Variants in GALNTL6 observed in about 807,000 individuals in gnomAD.
GALNTL6 encodes the protein polypeptide N-acetylgalactosaminyltransferase-like 6.
A neutral mutation model predicts 73.7 loss-of-function variants in GALNTL6; 46 were observed. The observed-to-expected ratio is 0.62, with a 90% CI of 0.49 to 0.80. The LOEUF is 0.80. GALNTL6 is among the 30% of genes least tolerant of loss of function. The pLI, the probability that GALNTL6 is intolerant of heterozygous loss-of-function variation, is 0.00. For synonymous variants in GALNTL6, 259 were observed against 263.7 expected, an observed-to-expected ratio of 0.98 and a Z score of 0.17; for missense variants, 604 against 755.0, an observed-to-expected ratio of 0.80 and a Z score of 2.34.
chr4:171,997,464 C>G (rs1740526622), intron 2 of GALNTL6, among the ~76,000 whole-genome samples: 1 of 152,032 alleles, frequency 6.6e-6, no homozygotes, highest in Admixed American at 6.6e-5. Flanking sequence ...TGTTGAGCAT[C>G]ATAGCTTACC....
intron 5 of GALNTL6, among the ~76,000 whole-genome samples, chr4:172,649,870 T>C (rs185993076): frequency 5.4e-4 from 82 of 152,340 alleles, no homozygotes; most frequent in African/African-American, 1.9e-3. Context: ...GAGGAAGTTT[T>C]GTTAAATTGC....
At chr4:172,878,135 CA>C (rs952757100) in intron 7 of GALNTL6, among the ~76,000 whole-genome samples, 6 of 151,740 alleles carry the variant, frequency 4.0e-5, no homozygotes, top group African/African-American at 1.5e-4. Context: ...CAATGTGACA[CA>C]TTAAAATCTT....
intron 5 of GALNTL6, among the ~76,000 whole-genome samples, chr4:172,389,451 T>C (rs1743585019): frequency 6.6e-6 from 1 of 152,116 alleles, no homozygotes. Flanking sequence ...GCAGAAATTA[T>C]GGGAATGCAT....
At chr4:172,089,458 T>C (rs1732136401) in intron 2 of GALNTL6, among the ~76,000 whole-genome samples, 1 of 152,144 alleles carries the variant, frequency 6.6e-6, no homozygotes, top group Admixed American at 6.5e-5. Context: ...AGTTTCAGTT[T>C]GCAGGGCTTT....
intron 5 of GALNTL6, among the ~76,000 whole-genome samples, chr4:172,494,048 T>C (rs1733983513): frequency 6.6e-6 from 1 of 152,182 alleles, no homozygotes; most frequent in Non-Finnish European, 1.5e-5. Flanking sequence ...CTAGTACAGC[T>C]CTTTAAGAAA....
chr4:172,168,547 T>C (rs1393810078), intron 2 of GALNTL6, among the ~76,000 whole-genome samples: 1 of 152,012 alleles, frequency 6.6e-6, no homozygotes, highest in African/African-American at 2.4e-5. Flanking sequence ...TTGATCAAGA[T>C]GGTGATGGTG....
At chr4:172,024,705 A>G (rs1393816916) in intron 2 of GALNTL6, among the ~76,000 whole-genome samples, 1 of 151,952 alleles carries the variant, frequency 6.6e-6, no homozygotes, top group Non-Finnish European at 1.5e-5. Context: ...ATTATTTGAG[A>G]GTATCCAGAA....
chr4:172,122,554 G>A (rs541907055), intron 2 of GALNTL6, among the ~76,000 whole-genome samples: 88 of 152,192 alleles, frequency 5.8e-4, no homozygotes, highest in African/African-American at 2.6e-4. Context: ...GTAATATTAC[G>A]GAAGTGTTAA....
intron 5 of GALNTL6, among the ~76,000 whole-genome samples, chr4:172,807,448 A>C (rs1165968702): frequency 6.6e-6 from 1 of 152,208 alleles, no homozygotes; most frequent in Non-Finnish European, 1.5e-5. Context: ...TCATACATAC[A>C]AGTGACTTAC....
intron 2 of GALNTL6, among the ~76,000 whole-genome samples, chr4:172,103,941 C>CT (rs1454137392): frequency 4.3e-5 from 6 of 138,648 alleles, no homozygotes; most frequent in Non-Finnish European, 9.2e-5. Context: ...TTTTTCTTTT[C>CT]TTTTTCTCTT....
chr4:172,901,275 C>A (rs896264404), intron 8 of GALNTL6, among the ~76,000 whole-genome samples: 4 of 152,044 alleles, frequency 2.6e-5, no homozygotes, highest in Non-Finnish European at 5.9e-5. Flanking sequence ...GTTAAACAGG[C>A]TTTGGTAGAA....
At position 172,161,996 on chromosome 4, in the gene GALNTL6, T is replaced by A. The variant is rs1393335930; in HGVS notation, c.139-67660T>A. Among the ~76,000 whole-genome samples the A allele has an allele frequency of 5.3e-5, 8 of 152,150 alleles. No homozygotes were observed. In the East Asian group the frequency reaches 1.5e-3, roughly 29 times the overall value. On this transcript the variant is annotated intron_variant, in intron 2 of 12. Coordinates refer to ENST00000506823, the MANE Select transcript of GALNTL6 (RefSeq NM_001034845.3). ...GTGGGAAAACAGGGCACAGCAGAACTTGATTAAGTTTGTTCATGGGCACTA... is the reference window on the plus strand; with the variant it reads ...GTGGGAAAACAGGGCACAGCAGAACATGATTAAGTTTGTTCATGGGCACTA...
intron 2 of GALNTL6, chr4:172,052,449 G>C (rs946873273): frequency 2.0e-6 from 3 of 1,535,016 alleles, no homozygotes; most frequent in Non-Finnish European, 2.6e-6. Context: ...AGCCAGATGA[G>C]AGCCAAGTTC....
rs565360135 is a variant in GALNTL6 at position 172,298,762 on chromosome 4, G to A, written c.248-12852G>A. Among the ~76,000 whole-genome samples the A allele has an allele frequency of 3.9e-4, 59 of 152,224 alleles. 1 individual carries two copies. The South Asian group carries it at 0.011, about 27-fold the overall frequency. ...AGCTTTTTGATGTGCTGCTGAATTCGGTTTGCCACTATTTTATTGAGGATT... is the reference window on the plus strand; with the variant it reads ...AGCTTTTTGATGTGCTGCTGAATTCAGTTTGCCACTATTTTATTGAGGATT... On this transcript the variant is annotated intron_variant, in intron 3 of 12. Transcript: ENST00000506823.
At chr4:171,840,879 G>A (rs909908423) in intron 2 of GALNTL6, among the ~76,000 whole-genome samples, 1 of 152,012 alleles carries the variant, frequency 6.6e-6, no homozygotes, top group African/African-American at 2.4e-5. Flanking sequence ...TGGAAAATTG[G>A]ACATGCTTAT....
chr4:171,987,366 A>G (rs908792640), intron 2 of GALNTL6, among the ~76,000 whole-genome samples: 1 of 152,216 alleles, frequency 6.6e-6, no homozygotes, highest in African/African-American at 2.4e-5. Flanking sequence ...GTCTATTATC[A>G]GACTGTATAG....
chr4:172,359,742 A>C (rs1329784734), intron 5 of GALNTL6, among the ~76,000 whole-genome samples: 1 of 152,162 alleles, frequency 6.6e-6, no homozygotes, highest in African/African-American at 2.4e-5. Flanking sequence ...CCTGTAAAAA[A>C]CATCTGGGGT....
intron 2 of GALNTL6, among the ~76,000 whole-genome samples, chr4:171,960,688 T>TG (rs745862164): frequency 5.4e-5 from 7 of 129,490 alleles, no homozygotes; most frequent in African/African-American, 1.8e-4. Context: ...TGTCTTTATT[T>TG]AAAAAAAAAA....
intron 2 of GALNTL6, among the ~76,000 whole-genome samples, chr4:171,850,755 T>C (rs1409965765): frequency 2.6e-5 from 4 of 152,184 alleles, no homozygotes; most frequent in Non-Finnish European, 4.4e-5. Context: ...TCTGACTTCC[T>C]TTCTTATTAT....
Sources: allele counts gnomAD v4.1 joint callset (sites outside exome capture counted in the v4.1 genomes callset), GRCh38; gene constraint gnomAD v4.1.1; transcripts MANE v1.5; gene names NCBI Gene and HGNC (gene_info 2026-07-23, HGNC 2026-07-21).